MLLT6: variants seen among roughly 807,000 people sequenced by gnomAD.
MLLT6 encodes the protein MLLT6, PHD finger containing, also known as protein AF-17.
MLLT6 carries 22 observed loss-of-function variants against 103.0 expected under a neutral mutation model. That is an observed-to-expected ratio of 0.21 (90% CI 0.15 to 0.31). MLLT6 has a LOEUF of 0.31. Among genes scored for constraint, MLLT6 ranks in the 10% least tolerant of loss-of-function variants. The pLI is 1.00. For missense variants in MLLT6, 1,199 were observed against 1,441.7 expected (o/e 0.83, Z 2.73); for synonymous variants, 606 against 623.5 (o/e 0.97, Z 0.42).
Position 38,726,729 on chromosome 17 carries a change from C to G in MLLT6, c.*1131C>G, listed in dbSNP as rs532058430. The G allele has an allele frequency of 1.2e-3, 280 of 233,572 alleles. No individual in the cohort carries two copies. Among genetic ancestry groups the G allele is most frequent in the African/African-American group, 5.9e-3 (268 of 45,478 alleles). The allele number at this position is 233,572 out of a possible 1,614,324, so 14.5% of individuals were successfully genotyped here. On this transcript the variant is annotated 3_prime_UTR_variant, in exon 20 of 20. Coordinates refer to ENST00000621332, the MANE Select transcript of MLLT6 (RefSeq NM_005937.4). ...TCCTTCTCTGGCACAAGGGGAGCCC[C>G]AGGGCTTGGGGGAGGGCGTAAGGTG...
At position 38,705,513 on chromosome 17, in the gene MLLT6, G is replaced by A. The variant is rs926263629; in HGVS notation, c.-120G>A. On this transcript the variant is annotated 5_prime_UTR_variant, in exon 1 of 20. Transcript: ENST00000621332. ...GAGGCAAAGAAAAGAAGCGGCGGCG[G>A]CGGAGGGAGAGGAGGAGGGGGCGAG... 78 of 476,748 alleles carry A rather than the reference G, an allele frequency of 1.6e-4. No individual in the cohort carries two copies. Among genetic ancestry groups the A allele is most frequent in the Middle Eastern group, 1.1e-3 (2 of 1,744 alleles). The allele number at this position is 476,748 out of a possible 1,614,324, so 29.5% of individuals were successfully genotyped here.
chr17:38,709,117 C>T lies in MLLT6; in HGVS notation c.355-56C>T. 7.5e-7 allele frequency: 1 copy of T among 1,339,910 alleles called. No homozygotes were observed. The highest frequency in any genetic ancestry group is 1.9e-5 in the Admixed American group (1 of 53,522). The allele number at this position is 1,339,910 out of a possible 1,614,324, so 83.0% of individuals were successfully genotyped here. A position where few individuals can be genotyped will look rare whatever the true frequency, so the allele number is the denominator to read the frequency against. On this transcript the variant is annotated intron_variant, in intron 4 of 19. Transcript: ENST00000621332. This position sits in a 1 kb window ranked among gnomAD's most constrained non-coding sequence, Gnocchi z 4.3. ...TGGAATGGAGGGGGTGGCCTAAGGA[C>T]CATCAGTAGAACAGGGGCTCCCTGG...
chr17:38,721,745 C>T (rs1905753267), intron 16 of MLLT6, 133 bp from the exon 17 acceptor site: 4 of 570,920 alleles, frequency 7.0e-6, no homozygotes, highest in Non-Finnish European at 1.2e-5. Context: ...CATCCCCGGA[C>T]CTTGCTTCTT....
chr17:38,721,596 C>T (rs919570621), intron 16 of MLLT6, among the ~76,000 whole-genome samples: 4 of 152,196 alleles, frequency 2.6e-5, no homozygotes, highest in Non-Finnish European at 4.4e-5. Flanking sequence ...AGGTCAAGCC[C>T]TCAGCCCAGG....
chr17:38,710,657 G>C (rs1032224437), intron 6 of MLLT6, among the ~76,000 whole-genome samples: 1 of 152,028 alleles, frequency 6.6e-6, no homozygotes, highest in African/African-American at 2.4e-5. Context: ...GGTAAATGGA[G>C]CTTGAATACC....
rs1468928036 is a variant in MLLT6, at chr17:38,720,587, A to G, written c.2353+18A>G. Reference sequence around the variant, plus strand: ...TCCCCAAGGTGAGGGGATCCTGCCCAGCCCGGGAGAGAGGCCCGTGCCCTG... The same window carrying G: ...TCCCCAAGGTGAGGGGATCCTGCCCGGCCCGGGAGAGAGGCCCGTGCCCTG... On this transcript the variant is annotated intron_variant, in intron 15 of 19. Transcript: ENST00000621332. 1 of 1,612,562 alleles carries G rather than the reference A, an allele frequency of 6.2e-7. No homozygotes were observed. Among genetic ancestry groups the G allele is most frequent in the African/African-American group, 1.3e-5 (1 of 74,928 alleles).
In MLLT6 at chr17:38,705,622, C is replaced by A; in HGVS notation, c.-11C>A. ...CCCCCCGCCCCAGCCCCGGAGGGAG[C>A]TCATGGGAGTATGAAGGAGATGGTA... On this transcript the variant is annotated 5_prime_UTR_variant, in exon 1 of 20. Coordinates refer to ENST00000621332, the MANE Select transcript of MLLT6 (RefSeq NM_005937.4). 1 of 1,482,182 alleles carries A rather than the reference C, an allele frequency of 6.7e-7. No individual in the cohort carries two copies. The allele number at this position is 1,482,182 out of a possible 1,614,324, so 91.8% of individuals were successfully genotyped here.
Position 38,724,524 on chromosome 17 carries a change from G to C in MLLT6, c.2884-96G>C, listed in dbSNP as rs1598003774. ...ACAGGCCTCTTGCCTCCTGATTCCA[G>C]TGTGATGGGGTGGGGCCTGGCCAGG... On this transcript the variant is annotated intron_variant, in intron 18 of 19. Transcript: ENST00000621332. The surrounding 1 kb of genome is among the most constrained non-coding windows in gnomAD (Gnocchi z 5.4). 3 of 889,272 alleles carry C rather than the reference G, an allele frequency of 3.4e-6. No homozygotes were observed. In the East Asian group the frequency reaches 7.9e-5, roughly 23 times the overall value. The allele number at this position is 889,272 out of a possible 1,614,324, so 55.1% of individuals were successfully genotyped here.
Position 38,705,671 on chromosome 17 carries a change from C to T in MLLT6, c.39C>T (p.Asp13=). 1 of 1,570,866 alleles carries T rather than the reference C, an allele frequency of 6.4e-7. No homozygotes were observed. The highest frequency in any genetic ancestry group is 1.1e-5 in the South Asian group (1 of 87,618). The change falls in exon 1 of 20, where the codon GAC becomes GAT. Residue 13 remains aspartate, a synonymous_variant. Coordinates refer to ENST00000621332, the MANE Select transcript of MLLT6 (RefSeq NM_005937.4). ...EMVGGCCVCS[D]ERGWAENPLV... Reference sequence around the variant, plus strand: ...TAGGAGGCTGCTGCGTATGTTCGGACGAGAGGGGCTGGGCCGAGAACCCGC... The same window carrying T: ...TAGGAGGCTGCTGCGTATGTTCGGATGAGAGGGGCTGGGCCGAGAACCCGC...
chr17:38,710,896 G>A (rs532798184), intron 6 of MLLT6, among the ~76,000 whole-genome samples: 48 of 152,354 alleles, frequency 3.2e-4, no homozygotes, highest in African/African-American at 1.1e-3. Context: ...TTGGTTTGCA[G>A]GAGACACCAT....
chr17:38,718,698 C>T (rs1365148052), intron 12 of MLLT6: 2 of 152,218 alleles, frequency 1.3e-5, no homozygotes, highest in African/African-American at 2.4e-5. Flanking sequence ...CGTAGTGTGT[C>T]TTGGGATCAG....
chr17:38,719,478 C>G (rs369929822), intron 12 of MLLT6, 39 bp from the exon 13 acceptor site: 2 of 1,557,092 alleles, frequency 1.3e-6, no homozygotes, highest in Non-Finnish European at 1.7e-6. Flanking sequence ...AGGCAGCTAC[C>G]ACTCCTCCAC....
At position 38,719,882 on chromosome 17, in the gene MLLT6, G is replaced by T; in HGVS notation, c.2142G>T (p.Glu714Asp). ...TTCTGGAGAAGCAGGGCGACGGGGAGGCCGGCGTCAACAGTGAGGAGGGGT... is the reference window on the plus strand; with the variant it reads ...TTCTGGAGAAGCAGGGCGACGGGGATGCCGGCGTCAACAGTGAGGAGGGGT... ...EQLLEKQGDG[E>D]AGVNIVEMLK... The change falls in exon 14 of 20, where the codon GAG (glutamate) becomes GAT (aspartate). Residue 714 changes from glutamate to aspartate, a missense_variant. Glu to Asp is a conservative substitution (Grantham distance 45). Around this residue, in one of 7 missense-constraint regions of MLLT6, gnomAD observed 1,034 missense variants for 1,091.5 expected, o/e 0.95. Transcript: ENST00000621332. 1 of 1,585,788 alleles carries T rather than the reference G, an allele frequency of 6.3e-7. No homozygotes were observed. Among genetic ancestry groups the T allele is most frequent in the Non-Finnish European group, 8.6e-7 (1 of 1,166,750 alleles).
chr17:38,720,230 C>G (rs891430254), intron 14 of MLLT6, 142 bp from the exon 15 acceptor site: 2 of 848,110 alleles, frequency 2.4e-6, no homozygotes, highest in African/African-American at 3.4e-5. Context: ...CCTCTCTTCT[C>G]AGAGCTCACC....
intron 8 of MLLT6, chr17:38,713,550 T>G: frequency 6.5e-6 from 1 of 154,814 alleles, no homozygotes; most frequent in Non-Finnish European, 1.4e-5. Flanking sequence ...CTGGGCACCT[T>G]AGCAGGAGGT....
chr17:38,714,286 C>G (rs1905240311), intron 8 of MLLT6: 1 of 152,226 alleles, frequency 6.6e-6, no homozygotes, highest in South Asian at 2.1e-4. Context: ...TTCACCTGCC[C>G]ACAGCACTGT....
Position 38,709,909 on chromosome 17 carries a change from A to C in MLLT6, c.552+334A>C, listed in dbSNP as rs1905085836. On this transcript the variant is annotated intron_variant, in intron 6 of 19. Coordinates refer to ENST00000621332, the MANE Select transcript of MLLT6 (RefSeq NM_005937.4). The surrounding 1 kb of genome is among the most constrained non-coding windows in gnomAD (Gnocchi z 4.3). ...ATTTGTGTGGGAGGCAGCATTTACTACGCCTCCGCCTTAGGACAAAGTTCC... is the reference window on the plus strand; with the variant it reads ...ATTTGTGTGGGAGGCAGCATTTACTCCGCCTCCGCCTTAGGACAAAGTTCC... Among the ~76,000 whole-genome samples the C allele has an allele frequency of 2.6e-5, 4 of 152,170 alleles. No homozygotes were observed. The highest frequency in any genetic ancestry group is 5.9e-5 in the Non-Finnish European group (4 of 68,034).
rs58850361 is a variant in MLLT6 at position 38,707,059 on chromosome 17, C to A, written c.189+30C>A. 3,368 of 1,576,478 alleles carry A rather than the reference C, an allele frequency of 2.1e-3. 84 individuals carry two copies. In the African/African-American group the frequency reaches 0.04, roughly 19 times the overall value. On this transcript the variant is annotated intron_variant, in intron 2 of 19. Coordinates refer to ENST00000621332, the MANE Select transcript of MLLT6 (RefSeq NM_005937.4). Reference sequence around the variant, plus strand: ...GTTCCAGACTGCCCCTCTCCACTCCCCTGCCCCTCCCACACACCTGAGCGT... The same window carrying A: ...GTTCCAGACTGCCCCTCTCCACTCCACTGCCCCTCCCACACACCTGAGCGT...
In MLLT6 at chr17:38,709,924, G is replaced by A. The variant is rs574915747; in HGVS notation, c.552+349G>A. Among the ~76,000 whole-genome samples the A allele has an allele frequency of 6.6e-6, 1 of 152,316 alleles. No individual in the cohort carries two copies. Among genetic ancestry groups the A allele is most frequent in the Admixed American group, 6.5e-5 (1 of 15,298 alleles). On this transcript the variant is annotated intron_variant, in intron 6 of 19. Transcript: ENST00000621332. The surrounding 1 kb of genome is among the most constrained non-coding windows in gnomAD (Gnocchi z 4.3). Reference sequence around the variant, plus strand: ...AGCATTTACTACGCCTCCGCCTTAGGACAAAGTTCCTGCCATGTGTTATTT... The same window carrying A: ...AGCATTTACTACGCCTCCGCCTTAGAACAAAGTTCCTGCCATGTGTTATTT...
Sources: allele counts gnomAD v4.1 joint callset (sites outside exome capture counted in the v4.1 genomes callset), GRCh38; gene constraint gnomAD v4.1.1; regional missense constraint gnomAD v4.1.1; non-coding constraint Gnocchi (gnomAD v3.1); transcripts MANE v1.5; gene names NCBI Gene and HGNC (gene_info 2026-07-23, HGNC 2026-07-21).